LGSN: variants seen among roughly 807,000 people sequenced by gnomAD.
LGSN encodes the protein lengsin, lens protein with glutamine synthetase domain.
LGSN carries 21 observed loss-of-function variants against 19.5 expected under a neutral mutation model. That is an observed-to-expected ratio of 1.07 (90% CI 0.76 to 1.55). The LOEUF is 1.55. Ranked by LOEUF, LGSN falls within the 40% of genes most tolerant of loss-of-function variation. LGSN has a pLI of 0.00. For missense variants in LGSN, 673 were observed against 608.5 expected, an observed-to-expected ratio of 1.11 and a Z score of -1.12; for synonymous variants, 257 against 215.6, an observed-to-expected ratio of 1.19 and a Z score of -1.68.
the LGSN span, among the ~76,000 whole-genome samples, chr6:63,401,762 A>G: frequency 7.2e-5 from 11 of 152,360 alleles, no homozygotes; most frequent in Admixed American, 2.6e-4. Context: ...GTTAAAATGT[A>G]TGCGACTGGA....
At chr6:63,508,283 A>G in the LGSN span, among the ~76,000 whole-genome samples, 1 of 152,216 alleles carries the variant, frequency 6.6e-6, no homozygotes, top group Non-Finnish European at 1.5e-5. Flanking sequence ...ACTTCCTAAA[A>G]ACTGGTTATA....
chr6:63,522,697 T>G, the LGSN span, among the ~76,000 whole-genome samples: 1 of 152,140 alleles, frequency 6.6e-6, no homozygotes, highest in African/African-American at 2.4e-5. Context: ...GGATTCCTAT[T>G]GCTCATATGT....
At chr6:63,468,694 C>G in the LGSN span, among the ~76,000 whole-genome samples, 4 of 152,146 alleles carry the variant, frequency 2.6e-5, no homozygotes, top group Non-Finnish European at 5.9e-5. Flanking sequence ...TCCCAAAGTG[C>G]TAGGATTACA....
At chr6:63,373,134 T>G in the LGSN span, among the ~76,000 whole-genome samples, 1 of 152,330 alleles carries the variant, frequency 6.6e-6, no homozygotes, top group Non-Finnish European at 1.5e-5. Context: ...TGACTCCCAA[T>G]GCAAGCAGCT....
At chr6:63,547,409 T>C in the LGSN span, among the ~76,000 whole-genome samples, 2 of 151,530 alleles carry the variant, frequency 1.3e-5, no homozygotes, top group African/African-American at 4.9e-5. Context: ...AGGCTGGTCT[T>C]GAACTCCTGA....
the LGSN span, among the ~76,000 whole-genome samples, chr6:63,560,033 T>C: frequency 6.6e-6 from 1 of 152,168 alleles, no homozygotes; most frequent in South Asian, 2.1e-4. Context: ...CTAAGGAAGG[T>C]ACCCCACGGT....
At chr6:63,335,030 A>G in the LGSN span, among the ~76,000 whole-genome samples, 12 of 151,400 alleles carry the variant, frequency 7.9e-5, no homozygotes. Flanking sequence ...GTAATCCCAG[A>G]TATTCAGGAG....
chr6:63,560,402 C>CTT, the LGSN span, among the ~76,000 whole-genome samples: 5 of 141,582 alleles, frequency 3.5e-5, no homozygotes, highest in Non-Finnish European at 7.7e-5. Flanking sequence ...AACACAAAGC[C>CTT]TTTTTTTTTT....
intron 1 of LGSN, among the ~76,000 whole-genome samples, chr6:63,310,209 A>G (rs538332680): frequency 1.3e-5 from 2 of 152,320 alleles, no homozygotes; most frequent in East Asian, 3.9e-4. Flanking sequence ...TTTTCTGGCC[A>G]CAACCAAAAA....
the LGSN span, among the ~76,000 whole-genome samples, chr6:63,513,190 T>C: frequency 6.6e-6 from 1 of 152,208 alleles, no homozygotes; most frequent in Non-Finnish European, 1.5e-5. Flanking sequence ...AAATACCTCA[T>C]CTACTTTCAA....
At chr6:63,573,075 G>C in the LGSN span, among the ~76,000 whole-genome samples, 5 of 151,934 alleles carry the variant, frequency 3.3e-5, no homozygotes, top group African/African-American at 7.2e-5. Context: ...CACAAAAGCC[G>C]CTTTGTGACC....
chr6:63,534,468 C>A, the LGSN span, among the ~76,000 whole-genome samples: 1 of 151,504 alleles, frequency 6.6e-6, no homozygotes, highest in Admixed American at 6.6e-5. Flanking sequence ...CACACACACA[C>A]ACACACACAC....
At chr6:63,485,701 T>A in the LGSN span, among the ~76,000 whole-genome samples, 2 of 152,156 alleles carry the variant, frequency 1.3e-5, no homozygotes, top group Non-Finnish European at 2.9e-5. Flanking sequence ...CATCTGTTAT[T>A]TTCAGAATGT....
the LGSN span, among the ~76,000 whole-genome samples, chr6:63,497,918 C>CTTTTTTTTT: frequency 0.06 from 7,267 of 121,556 alleles, 754 homozygotes; most frequent in African/African-American, 0.16. Context: ...TGTCATGTTT[C>CTTTTTTTTT]TTTTTTTTTT....
chr6:63,488,352 G>A, the LGSN span, among the ~76,000 whole-genome samples: 1 of 152,182 alleles, frequency 6.6e-6, no homozygotes, highest in African/African-American at 2.4e-5. Flanking sequence ...AGGTCAGGCT[G>A]CTAGGTAATT....
At chr6:63,548,155 T>C in the LGSN span, among the ~76,000 whole-genome samples, 83 of 152,290 alleles carry the variant, frequency 5.5e-4, no homozygotes, top group African/African-American at 1.9e-3. Context: ...TAGATGACCC[T>C]CTCTGATTTC....
At chr6:63,291,519 A>T (rs1442645868) in intron 2 of LGSN, among the ~76,000 whole-genome samples, 1 of 152,056 alleles carries the variant, frequency 6.6e-6, no homozygotes, top group Admixed American at 6.6e-5. Flanking sequence ...ACTCCTCCCC[A>T]CCTTCAGATG....
the LGSN span, among the ~76,000 whole-genome samples, chr6:63,533,619 A>G: frequency 6.6e-6 from 1 of 152,162 alleles, no homozygotes; most frequent in Non-Finnish European, 1.5e-5. Context: ...CTGAGGGACT[A>G]GAGCACATGA....
At chr6:63,323,571 C>CACAT (rs1337408897), upstream of LGSN, among the ~76,000 whole-genome samples, 1 of 126,398 alleles carries the variant, frequency 7.9e-6, no homozygotes, top group Admixed American at 7.7e-5. Flanking sequence ...CACACACACA[C>CACAT]ACACACACAC....
Sources: allele counts gnomAD v4.1 joint callset (sites outside exome capture counted in the v4.1 genomes callset), GRCh38; gene constraint gnomAD v4.1.1; transcripts MANE v1.5; gene names NCBI Gene and HGNC (gene_info 2026-07-23, HGNC 2026-07-21).